The following ZZZ3 variants were observed in gnomAD, a reference collection of about 807,000 sequenced individuals.
The protein encoded by ZZZ3 is ZZ-type zinc finger-containing protein 3.
A neutral mutation model predicts 95.2 loss-of-function variants in ZZZ3; 22 were observed. That is an observed-to-expected ratio of 0.23 (90% CI 0.17 to 0.33). ZZZ3 has a LOEUF of 0.33. Ranked by LOEUF, ZZZ3 falls within the 10% of genes least tolerant of loss-of-function variation. The pLI, the probability that ZZZ3 is intolerant of heterozygous loss-of-function variation, is 1.00. For synonymous variants in ZZZ3, 335 were observed against 358.9 expected (o/e 0.93, Z 0.75); for missense variants, 885 against 1,066.5 (o/e 0.83, Z 2.37).
rs550726588 is a variant in ZZZ3 at position 77,668,165 on chromosome 1, A to AT, written c.-403+14419dup. On this transcript the variant is annotated intron_variant, in intron 1 of 14. Transcript: ENST00000370801. ...ACTCACGTTTTTCTTCCCCAATGGA[A>AT]TTTTTTTTGTAATTTAAATAACAGG... Among the ~76,000 whole-genome samples the AT allele has an allele frequency of 1.2e-3, 182 of 152,110 alleles. 1 individual carries two copies. Among genetic ancestry groups the AT allele is most frequent in the African/African-American group, 4.1e-3 (170 of 41,508 alleles).
intron 8 of ZZZ3, 112 bp from the exon 9 acceptor site, chr1:77,581,181 G>C: frequency 1.2e-6 from 1 of 864,008 alleles, no homozygotes; most frequent in South Asian, 1.5e-5. Context: ...AAATATTTGA[G>C]TAAATTTGTT....
intron 5 of ZZZ3, among the ~76,000 whole-genome samples, chr1:77,590,786 T>C (rs1663612743): frequency 6.6e-6 from 1 of 152,228 alleles, no homozygotes; most frequent in African/African-American, 2.4e-5. Flanking sequence ...TACAGGGAAA[T>C]GCCCTTCTTT....
chr1:77,615,311 A>T (rs1312484947), intron 5 of ZZZ3, among the ~76,000 whole-genome samples: 1 of 152,262 alleles, frequency 6.6e-6, no homozygotes, highest in East Asian at 1.9e-4. Context: ...AAAAAGACAC[A>T]CAGAGGGGAA....
In ZZZ3 at chr1:77,581,058, T is replaced by G. The variant is rs756745986; in HGVS notation, c.1920A>C (p.Gly640=). The G allele has an allele frequency of 5.0e-6, 8 of 1,614,038 alleles. No homozygotes were observed. In the Admixed American group the frequency reaches 8.3e-5, roughly 17 times the overall value. Residue 640 remains glycine (G), a synonymous_variant, in exon 9 of 15, where the codon GGA becomes GGC. Transcript: ENST00000370801. The part of the protein sequence containing the change: ...GSSSRPQMIR[G]RLCDDTKPET... ...CAGGTTTGGTATCATCACACAAGCG[T>G]CCTCTTATCATCTGCACATAAGACA...
chr1:77,593,390 T>C (rs1663908022), intron 5 of ZZZ3, among the ~76,000 whole-genome samples: 1 of 152,202 alleles, frequency 6.6e-6, no homozygotes, highest in Non-Finnish European at 1.5e-5. Context: ...CATCTATTTA[T>C]ATAAACACAT....
chr1:77,626,386 G>A (rs1034201368), intron 5 of ZZZ3, among the ~76,000 whole-genome samples: 3 of 152,140 alleles, frequency 2.0e-5, no homozygotes, highest in Admixed American at 6.5e-5. Flanking sequence ...TCACCATAAT[G>A]TAGAATCAGT....
At chr1:77,592,181 G>A (rs942983163) in intron 5 of ZZZ3, among the ~76,000 whole-genome samples, 1 of 152,074 alleles carries the variant, frequency 6.6e-6, no homozygotes, top group African/African-American at 2.4e-5. Context: ...CCTGGACTGG[G>A]ACACAACTCC....
Position 77,564,059 on chromosome 1 carries a change from A to T in ZZZ3, c.*1581T>A, listed in dbSNP as rs1232341518. Reference sequence around the variant, plus strand: ...TCTAAAAATTGGGTCAAATATAACAATCAATCTTAGAATATTTATACTATC... The same window carrying T: ...TCTAAAAATTGGGTCAAATATAACATTCAATCTTAGAATATTTATACTATC... On this transcript the variant is annotated 3_prime_UTR_variant, in exon 15 of 15. Coordinates refer to ENST00000370801, the MANE Select transcript of ZZZ3 (RefSeq NM_015534.6). The T allele has an allele frequency of 6.6e-6, 1 of 152,126 alleles. No homozygotes were observed. Among genetic ancestry groups the T allele is most frequent in the Non-Finnish European group, 1.5e-5 (1 of 67,998 alleles). 9.4% of individuals were successfully genotyped at this position (152,126 alleles called of 1,614,324 possible).
intron 5 of ZZZ3, among the ~76,000 whole-genome samples, chr1:77,597,132 C>A (rs1049558611): frequency 2.0e-5 from 3 of 151,904 alleles, no homozygotes; most frequent in Non-Finnish European, 4.4e-5. Flanking sequence ...AAGTAAGAAG[C>A]ACTCAAAAAA....
At chr1:77,658,190 A>C (rs901157644) in intron 1 of ZZZ3, among the ~76,000 whole-genome samples, 1 of 151,312 alleles carries the variant, frequency 6.6e-6, no homozygotes, top group Admixed American at 6.6e-5. Context: ...AAAAAAAAAA[A>C]AAAAAAAAAA....
At chr1:77,646,315 G>C (rs1669270167) in intron 1 of ZZZ3, among the ~76,000 whole-genome samples, 1 of 151,918 alleles carries the variant, frequency 6.6e-6, no homozygotes, top group Admixed American at 6.6e-5. Flanking sequence ...CGACCTCCCA[G>C]GCTCAAATGA....
At position 77,632,374 on chromosome 1, in the gene ZZZ3, T is replaced by C. The variant is rs1667888227; in HGVS notation, c.981A>G (p.Ser327=). 6 of 1,614,060 alleles carry C rather than the reference T, an allele frequency of 3.7e-6. No homozygotes were observed. The highest frequency in any genetic ancestry group is 1.7e-6 in the Non-Finnish European group (2 of 1,180,024). The change falls in exon 5 of 15, where the codon TCA becomes TCG. Residue 327 remains serine, a synonymous_variant. Transcript: ENST00000370801. ...TGGTGTTTTCTTTACACTGCTCTTT[T>C]GAGGCACTGCTATCTCCCACCACAT... ...EVDVVGDSSA[S]KEQCKENTNN...
chr1:77,599,168 G>A (rs1301066529), intron 5 of ZZZ3, among the ~76,000 whole-genome samples: 4 of 151,988 alleles, frequency 2.6e-5, no homozygotes, highest in Non-Finnish European at 4.4e-5. Flanking sequence ...TTAGGTATAT[G>A]AGCATCTGGT....
At chr1:77,569,240 G>A (rs1317751396) in intron 12 of ZZZ3, among the ~76,000 whole-genome samples, 1 of 152,224 alleles carries the variant, frequency 6.6e-6, no homozygotes, top group Non-Finnish European at 1.5e-5. Context: ...GGGAAGCTGA[G>A]GCAGGAGAAT....
intron 1 of ZZZ3, among the ~76,000 whole-genome samples, chr1:77,664,309 C>T (rs1006961841): frequency 6.6e-5 from 10 of 152,046 alleles, no homozygotes; most frequent in East Asian, 1.9e-4. Context: ...AGATGACTTT[C>T]TCCCCTCTTC....
chr1:77,572,864 T>C lies in ZZZ3; in HGVS notation c.2331+3204A>G, dbSNP rs576286118. Among the ~76,000 whole-genome samples the C allele has an allele frequency of 9.9e-5, 15 of 151,926 alleles. No individual in the cohort carries two copies. In the East Asian group the frequency reaches 2.9e-3, roughly 30 times the overall value. On this transcript the variant is annotated intron_variant, in intron 12 of 14. Coordinates refer to ENST00000370801, the MANE Select transcript of ZZZ3 (RefSeq NM_015534.6). ...TCTCACTATGTTGCCCAGGCTGGTCTTGAACTCCCAGGCTCAAGCGATCCT... is the reference window on the plus strand; with the variant it reads ...TCTCACTATGTTGCCCAGGCTGGTCCTGAACTCCCAGGCTCAAGCGATCCT...
intron 4 of ZZZ3, among the ~76,000 whole-genome samples, chr1:77,635,945 T>C (rs1047823443): frequency 6.6e-6 from 1 of 152,074 alleles, no homozygotes; most frequent in African/African-American, 2.4e-5. Context: ...CTGAAATACA[T>C]GAAAAGCAAC....
At chr1:77,616,467 C>T (rs890422444) in intron 5 of ZZZ3, among the ~76,000 whole-genome samples, 2 of 152,234 alleles carry the variant, frequency 1.3e-5, no homozygotes, top group Non-Finnish European at 2.9e-5. Context: ...TTAAAAACTT[C>T]CCCTAAATGC....
chr1:77,658,920 A>C (rs1670535415), intron 1 of ZZZ3, among the ~76,000 whole-genome samples: 1 of 152,208 alleles, frequency 6.6e-6, no homozygotes, highest in African/African-American at 2.4e-5. Flanking sequence ...TTTGTTAAAA[A>C]TTCTAAATGC....
Sources: allele counts gnomAD v4.1 joint callset (sites outside exome capture counted in the v4.1 genomes callset), GRCh38; gene constraint gnomAD v4.1.1; transcripts MANE v1.5; gene names NCBI Gene and HGNC (gene_info 2026-07-23, HGNC 2026-07-21).